The following ICA1 variants were observed in gnomAD, a reference collection of about 807,000 sequenced individuals.
ICA1 encodes the protein 69 kDa islet cell autoantigen.
A neutral mutation model predicts 71.0 loss-of-function variants in ICA1; 40 were observed. The ratio of observed to expected loss-of-function variants is 0.56; its 90% confidence interval spans 0.44 to 0.73. The LOEUF is 0.73. Among genes scored for constraint, ICA1 ranks in the 30% least tolerant of loss-of-function variants. The pLI is 0.00. For missense variants in ICA1, 578 were observed against 576.5 expected (o/e 1.00, Z -0.03); for synonymous variants, 207 against 209.5 (o/e 0.99, Z 0.10).
intron 1 of ICA1, among the ~76,000 whole-genome samples, chr7:8,257,567 G>C (rs765907312): frequency 6.6e-6 from 1 of 152,030 alleles, no homozygotes; most frequent in Non-Finnish European, 1.5e-5. Context: ...ATATTCAGTG[G>C]TCCATCACTG....
intron 8 of ICA1, among the ~76,000 whole-genome samples, chr7:8,154,364 C>T (rs1002234194): frequency 2.6e-5 from 4 of 152,218 alleles, no homozygotes; most frequent in African/African-American, 9.6e-5. Context: ...TCCCTCCAAA[C>T]AGGATGCACC....
At position 8,226,015 on chromosome 7, in the gene ICA1, C is replaced by T. The variant is rs879865330; in HGVS notation, c.256+2586G>A. 6.6e-6 allele frequency among the ~76,000 whole-genome samples: 1 copy of T among 151,288 alleles called. No individual in the cohort carries two copies. The highest frequency in any genetic ancestry group is 1.5e-5 in the Non-Finnish European group (1 of 67,782). On this transcript the variant is annotated intron_variant, in intron 4 of 13. Transcript: ENST00000402384. The surrounding 1 kb of genome is among the most constrained non-coding windows in gnomAD (Gnocchi z 4.4). ...TGTTCCAAAACTACTGAGGTTAGTT[C>T]TTTTTTTTTCTGATTCTGATCACTG...
chr7:8,260,206 C>G (rs1811761564), intron 1 of ICA1, among the ~76,000 whole-genome samples: 1 of 152,132 alleles, frequency 6.6e-6, no homozygotes, highest in Non-Finnish European at 1.5e-5. Flanking sequence ...CTCCATACCG[C>G]TAATGCTGCT....
intron 1 of ICA1, among the ~76,000 whole-genome samples, chr7:8,252,082 C>T (rs1178773436): frequency 6.6e-6 from 1 of 152,148 alleles, no homozygotes. Flanking sequence ...TGGGTTACCT[C>T]TGCTAAAGAA....
chr7:8,203,434 A>C (rs1014746465), intron 6 of ICA1, among the ~76,000 whole-genome samples: 1 of 152,178 alleles, frequency 6.6e-6, no homozygotes, highest in African/African-American at 2.4e-5. Flanking sequence ...TTTTTGATGG[A>C]TCAGTCATCA....
intron 6 of ICA1, among the ~76,000 whole-genome samples, chr7:8,200,631 G>T (rs1277245197): frequency 6.6e-6 from 1 of 152,102 alleles, no homozygotes; most frequent in Non-Finnish European, 1.5e-5. Context: ...CATGGAAAGG[G>T]AGCAAAAAGA....
intron 10 of ICA1, 104 bp from the exon 11 acceptor site, chr7:8,139,151 G>A (rs1794368949): frequency 4.5e-6 from 4 of 886,072 alleles, no homozygotes; most frequent in Non-Finnish European, 5.4e-6. Flanking sequence ...GAAGAAATGG[G>A]ATCCACAAAC....
chr7:8,231,931 G>C (rs1287304736), intron 3 of ICA1, among the ~76,000 whole-genome samples: 1 of 152,088 alleles, frequency 6.6e-6, no homozygotes, highest in Admixed American at 6.6e-5. Context: ...ATTAAAATCT[G>C]AGTTCATTTT....
chr7:8,133,437 A>C (rs1418020765), intron 12 of ICA1, among the ~76,000 whole-genome samples: 1 of 152,066 alleles, frequency 6.6e-6, no homozygotes, highest in African/African-American at 2.4e-5. Context: ...CTAACTTTTA[A>C]AACTTTTGTA....
intron 3 of ICA1, 37 bp downstream of exon 3, chr7:8,232,553 G>A (rs1157526511): frequency 6.4e-7 from 1 of 1,565,120 alleles, no homozygotes; most frequent in East Asian, 2.3e-5. Context: ...TCCTAGCAAG[G>A]TGGCTGTGTT....
intron 4 of ICA1, among the ~76,000 whole-genome samples, chr7:8,221,728 A>G (rs1408190452): frequency 6.6e-6 from 1 of 152,182 alleles, no homozygotes; most frequent in Non-Finnish European, 1.5e-5. Flanking sequence ...TGGGTTTGTC[A>G]AGTATGACTG....
chr7:8,198,053 AT>A (rs1250618176), intron 6 of ICA1, among the ~76,000 whole-genome samples: 2 of 152,346 alleles, frequency 1.3e-5, no homozygotes, highest in East Asian at 3.8e-4. Flanking sequence ...AAAGTTGTGT[AT>A]GTAACAAACA....
chr7:8,188,955 T>C (rs1784695302), intron 6 of ICA1, among the ~76,000 whole-genome samples: 1 of 152,134 alleles, frequency 6.6e-6, no homozygotes, highest in Non-Finnish European at 1.5e-5. Context: ...ATGCAGAAGC[T>C]ATGCTTCCCA....
chr7:8,143,330 G>C (rs139071871), intron 9 of ICA1, among the ~76,000 whole-genome samples: 2 of 152,208 alleles, frequency 1.3e-5, no homozygotes, highest in Non-Finnish European at 2.9e-5. Context: ...GTCATTTCCT[G>C]TACTTGAAGC....
intron 6 of ICA1, among the ~76,000 whole-genome samples, chr7:8,193,662 G>A (rs1441531527): frequency 6.6e-6 from 1 of 152,176 alleles, no homozygotes; most frequent in Non-Finnish European, 1.5e-5. Flanking sequence ...TTCTGCCATT[G>A]CGTGATATCA....
At chr7:8,192,353 T>C (rs1785969434) in intron 6 of ICA1, among the ~76,000 whole-genome samples, 1 of 152,232 alleles carries the variant, frequency 6.6e-6, no homozygotes, top group Non-Finnish European at 1.5e-5. Context: ...TTGTCTGATG[T>C]GTCCTCACAC....
chr7:8,204,869 G>C (rs1365319716), intron 6 of ICA1, among the ~76,000 whole-genome samples: 1 of 152,034 alleles, frequency 6.6e-6, no homozygotes, highest in Non-Finnish European at 1.5e-5. Flanking sequence ...CCATTTATTA[G>C]CTGACATTGC....
chr7:8,183,088 A>C (rs1304830257), intron 6 of ICA1, among the ~76,000 whole-genome samples: 1 of 152,234 alleles, frequency 6.6e-6, no homozygotes, highest in Non-Finnish European at 1.5e-5. Context: ...AATAAACATA[A>C]GAGAAGAAAG....
At chr7:8,138,561 GA>G (rs1419263141) in intron 12 of ICA1, among the ~76,000 whole-genome samples, 1 of 152,138 alleles carries the variant, frequency 6.6e-6, no homozygotes, top group East Asian at 1.9e-4. Flanking sequence ...GTCTGATTCT[GA>G]AAGCCATGTT....
Sources: allele counts gnomAD v4.1 joint callset (sites outside exome capture counted in the v4.1 genomes callset), GRCh38; gene constraint gnomAD v4.1.1; non-coding constraint Gnocchi (gnomAD v3.1); transcripts MANE v1.5; gene names NCBI Gene and HGNC (gene_info 2026-07-23, HGNC 2026-07-21).